The following FGF14 variants were observed in gnomAD, a reference collection of about 807,000 sequenced individuals.
FGF14 encodes the protein fibroblast growth factor 14.
A neutral mutation model predicts 25.5 loss-of-function variants in FGF14; 5 were observed. The ratio of observed to expected loss-of-function variants is 0.20; its 90% confidence interval spans 0.10 to 0.41. FGF14 has a LOEUF of 0.41. Among genes scored for constraint, FGF14 ranks in the 10% least tolerant of loss-of-function variants. The pLI, the probability that FGF14 is intolerant of heterozygous loss-of-function variation, is 1.00. For missense variants in FGF14, 222 were observed against 320.1 expected (o/e 0.69, Z 2.34); for synonymous variants, 138 against 118.3 (o/e 1.17, Z -1.08).
At chr13:102,100,369 A>G (rs1473063462) in intron 1 of FGF14, among the ~76,000 whole-genome samples, 4 of 148,702 alleles carry the variant, frequency 2.7e-5, no homozygotes, top group African/African-American at 9.7e-5. Context: ...CTTCAGCAAA[A>G]TGCCACGCCC....
At chr13:101,746,966 T>C (rs2036932342) in intron 3 of FGF14, among the ~76,000 whole-genome samples, 1 of 152,138 alleles carries the variant, frequency 6.6e-6, no homozygotes, top group East Asian at 1.9e-4. Context: ...GATTATTAGA[T>C]TGGAAAATAT....
At chr13:101,992,850 A>C (rs1349170907) in intron 1 of FGF14, among the ~76,000 whole-genome samples, 1 of 152,062 alleles carries the variant, frequency 6.6e-6, no homozygotes, top group Non-Finnish European at 1.5e-5. Flanking sequence ...TTAAAAAGGT[A>C]TACCTTACAC....
intron 1 of FGF14, among the ~76,000 whole-genome samples, chr13:102,049,371 C>G (rs978193546): frequency 6.6e-5 from 10 of 151,984 alleles, no homozygotes; most frequent in African/African-American, 2.4e-4. Flanking sequence ...GACTGAGCAC[C>G]CAGTGTCATT....
chr13:101,854,021 T>C (rs1311392618), intron 3 of FGF14, among the ~76,000 whole-genome samples: 1 of 152,106 alleles, frequency 6.6e-6, no homozygotes, highest in Non-Finnish European at 1.5e-5. Flanking sequence ...TATGATGAGA[T>C]AAAAATGCTC....
intron 1 of FGF14, among the ~76,000 whole-genome samples, chr13:101,905,439 A>G (rs902708701): frequency 1.3e-5 from 2 of 152,138 alleles, no homozygotes; most frequent in Admixed American, 6.6e-5. Flanking sequence ...ATTCTCAGCA[A>G]ACTAACACAA....
chr13:102,130,927 C>T (rs16959792), intron 1 of FGF14, among the ~76,000 whole-genome samples: 10,863 of 152,160 alleles, frequency 0.071, 458 homozygotes, highest in Non-Finnish European at 0.096. Flanking sequence ...GTAAATGTTG[C>T]CCAAGAGCCA....
In FGF14 at chr13:102,130,246, G is replaced by T. The variant is rs139109370; in HGVS notation, c.209-254950C>A. ...GGACTGGCAAAGTGGAGGTAAATGA[G>T]TCCAAAATGGGTCTCACTGATCAAT... is the stretch of plus-strand genomic sequence containing the variant. On this transcript the variant is annotated intron_variant, in intron 1 of 4. Transcript: ENST00000376131. 3.4e-3 allele frequency among the ~76,000 whole-genome samples: 514 copies of T among 152,282 alleles called. 3 individuals are homozygous for T. Among genetic ancestry groups the T allele is most frequent in the African/African-American group, 0.012 (486 of 41,562 alleles).
intron 1 of FGF14, among the ~76,000 whole-genome samples, chr13:101,909,865 G>A (rs1030262092): frequency 5.9e-5 from 9 of 152,268 alleles, no homozygotes; most frequent in Admixed American, 5.9e-4. Flanking sequence ...ATGATAGACT[G>A]GGTTAAGAAA....
intron 3 of FGF14, among the ~76,000 whole-genome samples, chr13:101,813,125 G>T (rs979582191): frequency 6.6e-6 from 1 of 152,126 alleles, no homozygotes; most frequent in African/African-American, 2.4e-5. Flanking sequence ...GTGAGAGTTG[G>T]TGACATCCTT....
At chr13:101,785,586 C>T (rs1274608653) in intron 3 of FGF14, among the ~76,000 whole-genome samples, 4 of 152,164 alleles carry the variant, frequency 2.6e-5, no homozygotes, top group Non-Finnish European at 5.9e-5. Context: ...AACTAAACTA[C>T]ATTATCTGTC....
At chr13:101,934,486 C>T (rs899866601) in intron 1 of FGF14, among the ~76,000 whole-genome samples, 1 of 152,074 alleles carries the variant, frequency 6.6e-6, no homozygotes, top group Admixed American at 6.6e-5. Context: ...TTTTGGGGTG[C>T]TGGAAATATT....
At chr13:102,130,563 A>G (rs1425178590) in intron 1 of FGF14, among the ~76,000 whole-genome samples, 1 of 152,002 alleles carries the variant, frequency 6.6e-6, no homozygotes, top group Non-Finnish European at 1.5e-5. Flanking sequence ...GCAAATTAAT[A>G]CCCCCTTTGT....
At chr13:102,198,821 C>T (rs1048556660) in intron 1 of FGF14, among the ~76,000 whole-genome samples, 3 of 152,192 alleles carry the variant, frequency 2.0e-5, no homozygotes, top group African/African-American at 7.2e-5. Context: ...ATGCCTTCCT[C>T]ATGTGGTATC....
rs1030436746 is a variant in FGF14 at position 101,722,367 on chromosome 13, G to A, written c.*464C>T. ...GTGGAGCGAGCAGCCCTGTAAAAATGGGAAGAAGAGAAATCCGTAATAGCA... is the reference window on the plus strand; with the variant it reads ...GTGGAGCGAGCAGCCCTGTAAAAATAGGAAGAAGAGAAATCCGTAATAGCA... On this transcript the variant is annotated 3_prime_UTR_variant, in exon 5 of 5. Transcript: ENST00000376143. 14 of 232,892 alleles carry A rather than the reference G, an allele frequency of 6.0e-5. No homozygotes were observed. The highest frequency in any genetic ancestry group is 2.6e-5 in the Non-Finnish European group (3 of 117,244). The allele number at this position is 232,892 out of a possible 1,614,324, so 14.4% of individuals were successfully genotyped here.
intron 1 of FGF14, among the ~76,000 whole-genome samples, chr13:101,879,504 A>G (rs563428469): frequency 6.6e-6 from 1 of 152,332 alleles, no homozygotes; most frequent in African/African-American, 2.4e-5. Context: ...AATTAAATTA[A>G]ACACCGTCAT....
Position 102,057,983 on chromosome 13 carries a change from TTGTTGTGTCTCAAC to T in FGF14, c.209-182701_209-182688del, listed in dbSNP as rs1453399801. Among the ~76,000 whole-genome samples, 5 of 152,324 alleles carry T rather than the reference TTGTTGTGTCTCAAC, an allele frequency of 3.3e-5. No individual in the cohort carries two copies. The East Asian group carries it at 9.7e-4, about 29-fold the overall frequency. On this transcript the variant is annotated intron_variant, in intron 1 of 4. Transcript: ENST00000376131. ...CACTGATAATCACATTACTTTATTATTGTTGTGTCTCAACCACCAGCTCAGAACATGTAATTTGC... is the reference window on the plus strand; with the variant it reads ...CACTGATAATCACATTACTTTATTATCACCAGCTCAGAACATGTAATTTGC...
chr13:102,129,367 A>C (rs2046088758), intron 1 of FGF14, among the ~76,000 whole-genome samples: 1 of 152,216 alleles, frequency 6.6e-6, no homozygotes, highest in Admixed American at 6.5e-5. Context: ...GCAGTTCATT[A>C]ATAAATTTGA....
chr13:102,328,045 A>G (rs1159104731), intron 1 of FGF14, among the ~76,000 whole-genome samples: 1 of 151,854 alleles, frequency 6.6e-6, no homozygotes, highest in Non-Finnish European at 1.5e-5. Context: ...TATGAAAAGA[A>G]AAATGAAAGT....
intron 1 of FGF14, among the ~76,000 whole-genome samples, chr13:102,263,855 G>C (rs1055171661): frequency 6.6e-6 from 1 of 152,132 alleles, no homozygotes; most frequent in Non-Finnish European, 1.5e-5. Flanking sequence ...AAGGCCAAAT[G>C]TAAGAACCAG....
Sources: gnomAD v4.1 joint callset for allele counts (sites outside exome capture counted in the v4.1 genomes callset) on GRCh38, gnomAD v4.1.1 for gene constraint, MANE v1.5 for transcripts, NCBI Gene and HGNC (gene_info 2026-07-23, HGNC 2026-07-21) for gene names.